Variants in CTNND2 observed in about 807,000 individuals in gnomAD.
The protein encoded by CTNND2 is catenin delta-2.
A neutral mutation model predicts 144.4 loss-of-function variants in CTNND2; 22 were observed. The ratio of observed to expected loss-of-function variants is 0.15; its 90% CI spans 0.11 to 0.22. CTNND2 has a LOEUF of 0.22. Among genes scored for constraint, CTNND2 ranks in the 10% least tolerant of loss-of-function variants. CTNND2 has a pLI of 1.00. For synonymous variants in CTNND2, 751 were observed against 695.6 expected (o/e 1.08, Z -1.25); for missense variants, 1,353 against 1,618.8 (o/e 0.84, Z 2.82).
At chr5:11,344,326 A>G (rs893061819) in intron 9 of CTNND2, among the ~76,000 whole-genome samples, 2 of 151,868 alleles carry the variant, frequency 1.3e-5, no homozygotes, top group Admixed American at 6.6e-5. Context: ...CGGAAGGCGG[A>G]GCTTGCAGTG....
chr5:11,497,982 C>T (rs973327339), intron 3 of CTNND2, among the ~76,000 whole-genome samples: 1 of 152,110 alleles, frequency 6.6e-6, no homozygotes, highest in Non-Finnish European at 1.5e-5. Flanking sequence ...CCCAGAACAA[C>T]TGCACATCAA....
chr5:11,466,575 T>G (rs1483301806), intron 3 of CTNND2, among the ~76,000 whole-genome samples: 1 of 152,256 alleles, frequency 6.6e-6, no homozygotes, highest in Admixed American at 6.5e-5. Context: ...CTCTTCTCTC[T>G]TCCTTTTTTA....
chr5:11,513,495 G>A lies in CTNND2; in HGVS notation c.287+51449C>T, dbSNP rs184043130. Among the ~76,000 whole-genome samples the A allele has an allele frequency of 2.3e-3, 344 of 152,158 alleles. 2 individuals carry two copies. The highest frequency in any genetic ancestry group is 7.9e-3 in the African/African-American group (327 of 41,504). The stretch of plus-strand genomic sequence containing the variant: ...TTTACTTCTATTCTCAGGTTCCTAC[G>A]CTCACCTACTTTCACTCAATTTTTC... On this transcript the variant is annotated intron_variant, in intron 3 of 21. Coordinates refer to ENST00000304623, the MANE Select transcript of CTNND2 (RefSeq NM_001332.4).
intron 2 of CTNND2, among the ~76,000 whole-genome samples, chr5:11,657,714 C>T (rs1430380667): frequency 6.6e-6 from 1 of 152,058 alleles, no homozygotes; most frequent in Non-Finnish European, 1.5e-5. Flanking sequence ...TCAATGGGCA[C>T]ATCAATCAAA....
intron 6 of CTNND2, chr5:11,385,910 C>A (rs1759042545): frequency 6.6e-6 from 1 of 152,198 alleles, no homozygotes; most frequent in Middle Eastern, 3.4e-3. Context: ...AATGAGAATG[C>A]TAAAAAAGCC....
chr5:11,597,207 T>C (rs1018396849), intron 2 of CTNND2, among the ~76,000 whole-genome samples: 4 of 152,216 alleles, frequency 2.6e-5, no homozygotes, highest in Non-Finnish European at 5.9e-5. Flanking sequence ...TATACCTCTA[T>C]TTCCGAACAG....
chr5:11,752,056 G>T lies in CTNND2; in HGVS notation c.38-19784C>A, dbSNP rs549726421. On this transcript the variant is annotated intron_variant, in intron 1 of 21. Coordinates refer to ENST00000304623, the MANE Select transcript of CTNND2 (RefSeq NM_001332.4). The stretch of plus-strand genomic sequence containing the variant: ...TGTCTTTGGGCCACATTTTAATGGG[G>T]TTGTTTTTTGCTTGCTACTTTAAGT... Among the ~76,000 whole-genome samples the T allele has an allele frequency of 3.3e-5, 5 of 151,812 alleles. No homozygotes were observed. The South Asian group carries it at 1.0e-3, about 31-fold the overall frequency.
chr5:11,488,345 T>C (rs575239898), intron 3 of CTNND2, among the ~76,000 whole-genome samples: 2 of 152,268 alleles, frequency 1.3e-5, no homozygotes, highest in East Asian at 1.9e-4. Flanking sequence ...CCAGCAACCA[T>C]GTCATGTCAT....
At chr5:11,268,469 C>T (rs184858778) in intron 9 of CTNND2, among the ~76,000 whole-genome samples, 263 of 152,208 alleles carry the variant, frequency 1.7e-3, no homozygotes, top group African/African-American at 6.2e-3. Context: ...CCTGCAGTCT[C>T]AGCTACTCAG....
intron 2 of CTNND2, among the ~76,000 whole-genome samples, chr5:11,600,228 T>C (rs1488003884): frequency 6.6e-6 from 1 of 152,172 alleles, no homozygotes; most frequent in Non-Finnish European, 1.5e-5. Flanking sequence ...CACTGTTTTG[T>C]CAAGTATGGG....
chr5:11,174,914 T>C (rs1214691267), intron 11 of CTNND2, among the ~76,000 whole-genome samples: 2 of 152,212 alleles, frequency 1.3e-5, no homozygotes, highest in Non-Finnish European at 2.9e-5. Flanking sequence ...CACTACTCCT[T>C]GAGGTAAAAT....
intron 3 of CTNND2, among the ~76,000 whole-genome samples, chr5:11,501,899 G>A (rs1282251672): frequency 6.6e-6 from 1 of 151,806 alleles, no homozygotes; most frequent in Non-Finnish European, 1.5e-5. Context: ...GTGGTTGCAG[G>A]TGCCTGTAGT....
At chr5:11,690,726 G>A (rs896215699) in intron 2 of CTNND2, among the ~76,000 whole-genome samples, 1 of 111,486 alleles carries the variant, frequency 9.0e-6, no homozygotes, top group East Asian at 3.1e-4. Flanking sequence ...CTGGGCGACA[G>A]AGCGAGACTC....
At chr5:11,821,934 T>G (rs1793334688) in intron 1 of CTNND2, among the ~76,000 whole-genome samples, 1 of 152,134 alleles carries the variant, frequency 6.6e-6, no homozygotes, top group Admixed American at 6.6e-5. Flanking sequence ...ATAAGTAAAC[T>G]ACACATTCAG....
At chr5:11,091,514 G>T (rs1750772936) in intron 15 of CTNND2, among the ~76,000 whole-genome samples, 1 of 152,104 alleles carries the variant, frequency 6.6e-6, no homozygotes, top group East Asian at 1.9e-4. Flanking sequence ...ATAGTTTTTA[G>T]TTGTATGCCA....
chr5:11,570,136 A>G (rs1777445654), intron 2 of CTNND2, among the ~76,000 whole-genome samples: 1 of 152,090 alleles, frequency 6.6e-6, no homozygotes, highest in Non-Finnish European at 1.5e-5. Flanking sequence ...CAAACCCCAA[A>G]CTCCTCCGAT....
At chr5:11,901,072 A>G (rs928724762) in intron 1 of CTNND2, among the ~76,000 whole-genome samples, 2 of 152,234 alleles carry the variant, frequency 1.3e-5, no homozygotes, top group Admixed American at 6.5e-5. Flanking sequence ...TTTTAATTCA[A>G]TTGGCTTGTT....
intron 17 of CTNND2, 100 bp from the exon 18 acceptor site, chr5:11,018,158 T>A: frequency 1.3e-6 from 1 of 773,208 alleles, no homozygotes; most frequent in Non-Finnish European, 2.2e-6. Context: ...TATTATTATA[T>A]CTATTATGGT....
chr5:11,534,662 T>C (rs1035081027), intron 3 of CTNND2, among the ~76,000 whole-genome samples: 1 of 152,090 alleles, frequency 6.6e-6, no homozygotes, highest in Non-Finnish European at 1.5e-5. Context: ...CGCTGAGACC[T>C]GGTGACATCT....
Sources: gnomAD v4.1 joint callset for allele counts (sites outside exome capture counted in the v4.1 genomes callset) on GRCh38, gnomAD v4.1.1 for gene constraint, MANE v1.5 for transcripts, NCBI Gene and HGNC (gene_info 2026-07-23, HGNC 2026-07-21) for gene names.